The following GJB7 variants were observed in gnomAD, a reference collection of about 807,000 sequenced individuals.
GJB7 encodes gap junction protein beta 7.
For missense variants in GJB7, 253 were observed against 256.8 expected, an observed-to-expected ratio of 0.99 and a Z score of 0.10; for synonymous variants, 87 against 95.2, an observed-to-expected ratio of 0.91 and a Z score of 0.50.
At chr6:87,326,190 A>G (rs1374708169) in intron 1 of GJB7, among the ~76,000 whole-genome samples, 3 of 151,940 alleles carry the variant, frequency 2.0e-5, no homozygotes, top group African/African-American at 7.3e-5. Flanking sequence ...GCGGTCTATC[A>G]ATTTTGTTGA....
chr6:87,292,740 T>A (rs547011130), intron 2 of GJB7, among the ~76,000 whole-genome samples: 1 of 152,354 alleles, frequency 6.6e-6, no homozygotes, highest in Non-Finnish European at 1.5e-5. Flanking sequence ...ATGTTTTAGA[T>A]GGTATGAAAT....
intron 2 of GJB7, among the ~76,000 whole-genome samples, chr6:87,322,023 A>G (rs1776674489): frequency 6.6e-6 from 1 of 152,180 alleles, no homozygotes; most frequent in African/African-American, 2.4e-5. Context: ...TTGGGTGGGG[A>G]CACAGAGCCA....
chr6:87,326,896 G>T (rs1304348267), intron 1 of GJB7, among the ~76,000 whole-genome samples: 2 of 114,918 alleles, frequency 1.7e-5, no homozygotes, highest in African/African-American at 3.7e-5. Flanking sequence ...TAATTTGTGG[G>T]AGTTTAAGTC....
intron 1 of GJB7, among the ~76,000 whole-genome samples, chr6:87,325,018 T>C (rs1241005312): frequency 6.6e-6 from 1 of 151,978 alleles, no homozygotes; most frequent in African/African-American, 2.4e-5. Flanking sequence ...AGGTATTTTA[T>C]TCTCTTTGAA....
At chr6:87,328,953 G>A (rs1314891191) in intron 1 of GJB7, among the ~76,000 whole-genome samples, 185 bp downstream of exon 1, 1 of 152,216 alleles carries the variant, frequency 6.6e-6, no homozygotes, top group African/African-American at 2.4e-5. Context: ...ATAATCTCGT[G>A]GTGCGCCATT....
At chr6:87,292,180 A>G (rs1488003322) in intron 2 of GJB7, among the ~76,000 whole-genome samples, 1 of 152,240 alleles carries the variant, frequency 6.6e-6, no homozygotes, top group Non-Finnish European at 1.5e-5. Flanking sequence ...GAAAAAATCC[A>G]AAATCGCTCA....
intron 2 of GJB7, chr6:87,322,390 A>G (rs1297858822): frequency 7.0e-6 from 1 of 142,740 alleles, no homozygotes; most frequent in African/African-American, 2.4e-5. Flanking sequence ...AAAAGGGAAG[A>G]AAGCAAAAAC....
intron 2 of GJB7, among the ~76,000 whole-genome samples, chr6:87,316,536 C>G (rs1776587115): frequency 6.6e-6 from 1 of 152,016 alleles, no homozygotes; most frequent in Admixed American, 6.6e-5. Context: ...TGAAGCCAAA[C>G]AGTGACATGA....
intron 2 of GJB7, among the ~76,000 whole-genome samples, chr6:87,295,226 C>A (rs540357109): frequency 1.3e-5 from 2 of 152,284 alleles, no homozygotes; most frequent in East Asian, 1.9e-4. Flanking sequence ...GCCTCCACAT[C>A]TCAGAACAAC....
intron 2 of GJB7, chr6:87,298,720 G>C: frequency 5.5e-6 from 1 of 181,396 alleles, no homozygotes; most frequent in South Asian, 1.3e-4. Context: ...CCCCTCACTC[G>C]CCACTGACGA....
intron 2 of GJB7, among the ~76,000 whole-genome samples, chr6:87,306,660 C>A: frequency 6.6e-6 from 1 of 152,012 alleles, no homozygotes; most frequent in East Asian, 1.9e-4. Context: ...TTTGACCCAG[C>A]CATCCCATTA....
Position 87,305,124 on chromosome 6 carries a change from T to G in GJB7, c.-28+17742A>C, listed in dbSNP as rs1018769438. Among the ~76,000 whole-genome samples, 6 of 152,142 alleles carry G rather than the reference T, an allele frequency of 3.9e-5. No homozygotes were observed. In the South Asian group the frequency reaches 6.2e-4, roughly 16 times the overall value. On this transcript the variant is annotated intron_variant, in intron 2 of 2. Transcript: ENST00000525899. ...CCTTTGAAAACTGGCATAAGATAGG[T>G]TTGCCCTCTCTCACCACTCCTATTC... is the stretch of plus-strand genomic sequence containing the variant.
intron 1 of GJB7, among the ~76,000 whole-genome samples, chr6:87,327,168 C>T (rs1383775866): frequency 7.3e-5 from 11 of 150,150 alleles, no homozygotes; most frequent in South Asian, 4.2e-4. Flanking sequence ...TGTCTCTGCA[C>T]GTGAGATGGG....
At chr6:87,304,168 CGAA>C (rs954174954) in intron 2 of GJB7, among the ~76,000 whole-genome samples, 1 of 151,824 alleles carries the variant, frequency 6.6e-6, no homozygotes, top group African/African-American at 2.4e-5. Context: ...CAAGAAATAA[CGAA>C]GATCAGAGGA....
At chr6:87,314,918 T>G (rs1417242971) in intron 2 of GJB7, among the ~76,000 whole-genome samples, 2 of 152,064 alleles carry the variant, frequency 1.3e-5, no homozygotes, top group Admixed American at 1.3e-4. Context: ...AATAAAGAAA[T>G]AAATCATATG....
At chr6:87,315,527 C>T (rs1776567368) in intron 2 of GJB7, among the ~76,000 whole-genome samples, 1 of 152,102 alleles carries the variant, frequency 6.6e-6, no homozygotes, top group African/African-American at 2.4e-5. Context: ...TACGGTGGCT[C>T]ACACCTGTAA....
At chr6:87,302,326 TC>T (rs1776344520) in intron 2 of GJB7, among the ~76,000 whole-genome samples, 2 of 151,954 alleles carry the variant, frequency 1.3e-5, no homozygotes, top group South Asian at 4.2e-4. Context: ...TGTAGAGAAG[TC>T]CTTAAATGAC....
chr6:87,289,454 C>T (rs568077550), intron 2 of GJB7, among the ~76,000 whole-genome samples: 49 of 152,272 alleles, frequency 3.2e-4, no homozygotes, highest in South Asian at 1.0e-3. Flanking sequence ...ATTCTCATTA[C>T]GCCAATTTAC....
intron 2 of GJB7, chr6:87,300,540 A>T: frequency 5.9e-6 from 1 of 168,776 alleles, no homozygotes; most frequent in South Asian, 1.6e-4. Flanking sequence ...AGTTGGAGAA[A>T]ATGGCTGAAG....
Sources: gnomAD v4.1 joint callset for allele counts (sites outside exome capture counted in the v4.1 genomes callset) on GRCh38, gnomAD v4.1.1 for gene constraint, MANE v1.5 for transcripts, NCBI Gene and HGNC (gene_info 2026-07-23, HGNC 2026-07-21) for gene names.